The following CHRM3 variants were observed in gnomAD, a reference collection of about 807,000 sequenced individuals.
The protein encoded by CHRM3 is muscarinic acetylcholine receptor M3.
A neutral mutation model predicts 41.8 loss-of-function variants in CHRM3; 11 were observed. That is an observed-to-expected ratio of 0.26 (90% CI 0.17 to 0.44). The LOEUF is 0.44. CHRM3 is among the 20% of genes least tolerant of loss of function. CHRM3 has a pLI of 1.00. For synonymous variants in CHRM3, 297 were observed against 301.4 expected, an observed-to-expected ratio of 0.99 and a Z score of 0.15; for missense variants, 571 against 745.4, an observed-to-expected ratio of 0.77 and a Z score of 2.72.
intron 6 of CHRM3, among the ~76,000 whole-genome samples, chr1:239,845,349 TGGTTTG>T (rs1191551210): frequency 6.6e-6 from 1 of 152,172 alleles, no homozygotes; most frequent in Non-Finnish European, 1.5e-5. Context: ...ATTTTTGTTT[TGGTTTG>T]GGTTTGGGTT....
At chr1:239,594,634 G>T (rs1664578051) in intron 3 of CHRM3, among the ~76,000 whole-genome samples, 1 of 152,194 alleles carries the variant, frequency 6.6e-6, no homozygotes, top group African/African-American at 2.4e-5. Context: ...CCACTTCACA[G>T]TTTGATCTCT....
At chr1:239,407,183 T>C (rs1660659068) in intron 1 of CHRM3, among the ~76,000 whole-genome samples, 2 of 152,284 alleles carry the variant, frequency 1.3e-5, no homozygotes, top group African/African-American at 2.4e-5. Flanking sequence ...GCTTGCTTTT[T>C]CACTTCTGTT....
At chr1:239,890,347 C>CAA (rs10713647) in intron 6 of CHRM3, among the ~76,000 whole-genome samples, 1 of 142,816 alleles carries the variant, frequency 7.0e-6, no homozygotes, top group African/African-American at 2.6e-5. Flanking sequence ...GACTCTATCT[C>CAA]AAAAAAAAAA....
At chr1:239,441,736 A>T (rs982089739) in intron 1 of CHRM3, among the ~76,000 whole-genome samples, 6 of 144,102 alleles carry the variant, frequency 4.2e-5, no homozygotes, top group Admixed American at 1.3e-4. Context: ...GCTTTTGCCA[A>T]TTTTTTATAG....
intron 6 of CHRM3, among the ~76,000 whole-genome samples, chr1:239,834,374 A>C (rs778537800): frequency 5.6e-4 from 78 of 138,336 alleles, no homozygotes; most frequent in Non-Finnish European, 9.9e-4. Flanking sequence ...GTGCGATGGC[A>C]CAATCTCGGC....
chr1:239,479,745 C>T (rs1010591305), intron 1 of CHRM3, among the ~76,000 whole-genome samples: 3 of 151,964 alleles, frequency 2.0e-5, no homozygotes, highest in African/African-American at 7.3e-5. Flanking sequence ...ATAGAAAAGT[C>T]AAAGTAAAAA....
intron 5 of CHRM3, among the ~76,000 whole-genome samples, chr1:239,821,411 T>G (rs1339687193): frequency 1.3e-5 from 2 of 152,222 alleles, no homozygotes; most frequent in Non-Finnish European, 2.9e-5. Flanking sequence ...TTGACATCAA[T>G]GCTGGTCTTT....
intron 6 of CHRM3, among the ~76,000 whole-genome samples, chr1:239,850,316 T>G (rs987578063): frequency 5.3e-5 from 8 of 152,148 alleles, no homozygotes; most frequent in African/African-American, 1.7e-4. Context: ...TCCTCATTGT[T>G]TTCACACTGA....
At chr1:239,797,608 C>T (rs1024015674) in intron 5 of CHRM3, among the ~76,000 whole-genome samples, 9 of 152,094 alleles carry the variant, frequency 5.9e-5, no homozygotes, top group African/African-American at 1.4e-4. Context: ...CGTTCCCCAT[C>T]GGGTCTATTT....
chr1:239,542,475 T>C (rs1658875364), intron 2 of CHRM3, among the ~76,000 whole-genome samples: 1 of 152,130 alleles, frequency 6.6e-6, no homozygotes, highest in Non-Finnish European at 1.5e-5. Context: ...TAGAAGAGGA[T>C]GGAGAGAAAG....
At chr1:239,483,501 G>A (rs1225930621) in intron 1 of CHRM3, among the ~76,000 whole-genome samples, 1 of 152,224 alleles carries the variant, frequency 6.6e-6, no homozygotes, top group African/African-American at 2.4e-5. Context: ...AGGGTTTGCA[G>A]GAGCAACTAG....
At chr1:239,637,918 C>T (rs1341153278) in intron 4 of CHRM3, among the ~76,000 whole-genome samples, 1 of 102,226 alleles carries the variant, frequency 9.8e-6, no homozygotes, top group African/African-American at 3.8e-5. Context: ...CCCCCTCCCC[C>T]CACCCCACAA....
At chr1:239,527,763 C>T (rs1670092783) in intron 2 of CHRM3, among the ~76,000 whole-genome samples, 2 of 152,044 alleles carry the variant, frequency 1.3e-5, no homozygotes, top group Admixed American at 6.6e-5. Flanking sequence ...TCCTCATCTA[C>T]AAAAATAAAG....
intron 5 of CHRM3, among the ~76,000 whole-genome samples, chr1:239,738,939 T>C (rs938302405): frequency 2.0e-5 from 3 of 152,212 alleles, no homozygotes; most frequent in Non-Finnish European, 4.4e-5. Context: ...GTGCATGCAA[T>C]ATCTCTTCTG....
At chr1:239,717,692 T>C (rs1377698641) in intron 5 of CHRM3, among the ~76,000 whole-genome samples, 1 of 152,002 alleles carries the variant, frequency 6.6e-6, no homozygotes, top group Non-Finnish European at 1.5e-5. Flanking sequence ...ATGCTACCTG[T>C]CATTTCTGCC....
At chr1:239,708,115 G>C (rs1031833535) in intron 5 of CHRM3, among the ~76,000 whole-genome samples, 1 of 152,198 alleles carries the variant, frequency 6.6e-6, no homozygotes, top group Non-Finnish European at 1.5e-5. Flanking sequence ...TTGAGGGTGT[G>C]TAATAACACT....
At chr1:239,679,278 A>G (rs1030787050) in intron 5 of CHRM3, among the ~76,000 whole-genome samples, 3 of 152,166 alleles carry the variant, frequency 2.0e-5, no homozygotes, top group Non-Finnish European at 2.9e-5. Flanking sequence ...AAAACTACAT[A>G]ACAACTCACC....
Position 239,913,325 on chromosome 1 carries a change from G to A in CHRM3, c.*4101G>A, listed in dbSNP as rs1193788740. The A allele has an allele frequency of 7.2e-5, 12 of 166,384 alleles. No individual in the cohort carries two copies. Among genetic ancestry groups the A allele is most frequent in the African/African-American group, 2.9e-4 (12 of 40,826 alleles). The allele number at this position is 166,384 out of a possible 1,614,324, so 10.3% of individuals were successfully genotyped here. ...CATTTCTCATAACAGAACTGAAACT[G>A]TATAGATTACAACACTCCAAAGTTA... is the stretch of plus-strand genomic sequence containing the variant. On this transcript the variant is annotated 3_prime_UTR_variant, in exon 7 of 7. Coordinates refer to ENST00000676153, the MANE Select transcript of CHRM3 (RefSeq NM_001375978.1).
intron 5 of CHRM3, among the ~76,000 whole-genome samples, chr1:239,685,282 C>T (rs1352422935): frequency 6.6e-6 from 1 of 152,112 alleles, no homozygotes; most frequent in Non-Finnish European, 1.5e-5. Context: ...TAAAAATAGT[C>T]ATATATTCTT....
Sources: allele counts gnomAD v4.1 joint callset (sites outside exome capture counted in the v4.1 genomes callset), GRCh38; gene constraint gnomAD v4.1.1; transcripts MANE v1.5; gene names NCBI Gene and HGNC (gene_info 2026-07-23, HGNC 2026-07-21).